The following PCDHAC2 variants were observed in gnomAD, a reference collection of about 807,000 sequenced individuals.
The protein encoded by PCDHAC2 is protocadherin alpha subfamily C, 2.
PCDHAC2 carries 24 observed loss-of-function variants against 63.3 expected under a neutral mutation model. The ratio of observed to expected loss-of-function variants is 0.38; its 90% CI spans 0.27 to 0.53. PCDHAC2 has a LOEUF of 0.53. Ranked by LOEUF, PCDHAC2 falls within the 20% of genes least tolerant of loss-of-function variation. PCDHAC2 has a pLI of 0.81. For synonymous variants in PCDHAC2, 569 were observed against 529.4 expected (o/e 1.07, Z -1.03); for missense variants, 1,181 against 1,275.2 (o/e 0.93, Z 1.12).
chr5:140,984,178 A>C (rs2097090747), intron 3 of PCDHAC2, among the ~76,000 whole-genome samples: 1 of 152,184 alleles, frequency 6.6e-6, no homozygotes, highest in South Asian at 2.1e-4. Context: ...AGCCACGTGA[A>C]ATCATGACTT....
At chr5:141,001,216 G>A (rs938133871) in intron 3 of PCDHAC2, among the ~76,000 whole-genome samples, 3 of 152,082 alleles carry the variant, frequency 2.0e-5, no homozygotes, top group African/African-American at 7.2e-5. Context: ...GCTGTATAAG[G>A]ATAGTTACAT....
intron 3 of PCDHAC2, among the ~76,000 whole-genome samples, chr5:140,990,384 T>A (rs2097391380): frequency 6.6e-6 from 1 of 152,186 alleles, no homozygotes; most frequent in Non-Finnish European, 1.5e-5. Context: ...TTGTTGGTGA[T>A]GTTCCAAGAA....
chr5:140,987,433 T>C (rs2097253895), intron 3 of PCDHAC2, among the ~76,000 whole-genome samples: 1 of 152,108 alleles, frequency 6.6e-6, no homozygotes. Flanking sequence ...CAGGGGGCCT[T>C]TCCCCATGCC....
intron 3 of PCDHAC2, among the ~76,000 whole-genome samples, chr5:140,999,495 A>G (rs868986339): frequency 6.6e-6 from 1 of 152,142 alleles, no homozygotes; most frequent in South Asian, 2.1e-4. Flanking sequence ...TATGTTACCC[A>G]AGAACCTACA....
At chr5:140,969,439 T>C (rs1554231802) in intron 1 of PCDHAC2, 108 bp downstream of exon 1, 2 of 1,546,634 alleles carry the variant, frequency 1.3e-6, no homozygotes, top group Admixed American at 3.9e-5. Context: ...AAGAGTTATC[T>C]GGTAAACTGA....
rs1588262423 is a variant in PCDHAC2 at position 141,011,885 on chromosome 5, T to C, written c.*1948T>C. 1 of 153,482 alleles carries C rather than the reference T, an allele frequency of 6.5e-6. No homozygotes were observed. The highest frequency in any genetic ancestry group is 1.9e-4 in the East Asian group (1 of 5,202). 9.5% of individuals were successfully genotyped at this position (153,482 alleles called of 1,614,324 possible). ...ATAATGTACAATTTAGAAGTTTGATTAATTATATTATCTATTTAGGCATTA... is the reference window on the plus strand; with the variant it reads ...ATAATGTACAATTTAGAAGTTTGATCAATTATATTATCTATTTAGGCATTA... On this transcript the variant is annotated 3_prime_UTR_variant, in exon 4 of 4. Transcript: ENST00000289269.
intron 3 of PCDHAC2, among the ~76,000 whole-genome samples, chr5:140,985,608 G>T (rs76669319): frequency 6.6e-6 from 1 of 152,052 alleles, no homozygotes; most frequent in Non-Finnish European, 1.5e-5. Context: ...AGCCCTTTCC[G>T]TGAACCAGCT....
chr5:140,989,696 T>G (rs1554251011), intron 3 of PCDHAC2, among the ~76,000 whole-genome samples: 1 of 152,216 alleles, frequency 6.6e-6, no homozygotes, highest in African/African-American at 2.4e-5. Flanking sequence ...CGTGAAAATT[T>G]TATCTTCAGA....
chr5:140,967,817 G>A lies in PCDHAC2; in HGVS notation c.1051G>A (p.Val351Met). Residue 351 changes from valine (V) to methionine (M), a missense_variant, in exon 1 of 4, where the codon GTG (valine) becomes ATG (methionine). Physicochemically the swap from Val to Met is conservative, Grantham distance 21. Coordinates refer to ENST00000289269, the MANE Select transcript of PCDHAC2 (RefSeq NM_018899.6). The part of the protein sequence containing the change: ...GPVPMAGHCK[V>M]LVDIVDVNDN... Reference sequence around the variant, plus strand: ...AGTGCCCATGGCAGGTCACTGCAAGGTGCTGGTGGACATCGTGGACGTGAA... The same window carrying A: ...AGTGCCCATGGCAGGTCACTGCAAGATGCTGGTGGACATCGTGGACGTGAA... 1 of 1,614,182 alleles carries A rather than the reference G, an allele frequency of 6.2e-7. No individual in the cohort carries two copies.
intron 3 of PCDHAC2, among the ~76,000 whole-genome samples, chr5:141,007,907 A>G (rs1402621923): frequency 6.6e-6 from 1 of 152,186 alleles, no homozygotes; most frequent in Non-Finnish European, 1.5e-5. Flanking sequence ...TTCTTTGTTG[A>G]AGATGCTATA....
chr5:140,967,800 TGGCA>T lies in PCDHAC2; in HGVS notation c.1037_1040del (p.Ala346ValfsTer12). On this transcript the variant is annotated frameshift_variant, in exon 1 of 4. Transcript: ENST00000289269. LOFTEE classifies it high-confidence loss of function. Reference sequence around the variant, plus strand: ...GCGACTGACCGGGGTCCAGTGCCCATGGCAGGTCACTGCAAGGTGCTGGTGGACA... The same window carrying T: ...GCGACTGACCGGGGTCCAGTGCCCATGGTCACTGCAAGGTGCTGGTGGACA... 6.2e-7 allele frequency: 1 copy of T among 1,614,174 alleles called. No individual in the cohort carries two copies. Among genetic ancestry groups the T allele is most frequent in the Non-Finnish European group, 8.5e-7 (1 of 1,180,018 alleles).
intron 3 of PCDHAC2, among the ~76,000 whole-genome samples, chr5:140,998,621 A>G (rs1167341355): frequency 5.3e-5 from 8 of 151,758 alleles, no homozygotes; most frequent in Admixed American, 3.9e-4. Context: ...CTGGAGTGCA[A>G]TGGCACAATC....
intron 3 of PCDHAC2, among the ~76,000 whole-genome samples, chr5:141,005,816 G>A (rs1295998009): frequency 1.3e-5 from 2 of 151,804 alleles, no homozygotes; most frequent in African/African-American, 4.8e-5. Context: ...AGCCAGGTAT[G>A]GTGGCCTGTA....
chr5:141,010,398 G>C lies in PCDHAC2; in HGVS notation c.*461G>C. The C allele has an allele frequency of 7.6e-7, 1 of 1,323,994 alleles. No individual in the cohort carries two copies. Among genetic ancestry groups the C allele is most frequent in the South Asian group, 1.5e-5 (1 of 66,476 alleles). 82.0% of individuals were successfully genotyped at this position (1,323,994 alleles called of 1,614,324 possible). A position where few individuals can be genotyped will look rare whatever the true frequency, so the allele number is the denominator to read the frequency against. ...GCCAGATATTGGCTGAGACGAGCCA[G>C]CTTAGACTAATTGGTACAAGGAAGG... On this transcript the variant is annotated 3_prime_UTR_variant, in exon 4 of 4. Transcript: ENST00000289269.
chr5:140,984,641 C>T (rs2153834832), intron 3 of PCDHAC2, among the ~76,000 whole-genome samples: 1 of 152,276 alleles, frequency 6.6e-6, no homozygotes, highest in South Asian at 2.1e-4. Context: ...TCTCTGCCTT[C>T]TCCCTGTCCT....
rs1262601662 is a variant in PCDHAC2, at chr5:141,011,550, A to C, written c.*1613A>C. On this transcript the variant is annotated 3_prime_UTR_variant, in exon 4 of 4. Coordinates refer to ENST00000289269, the MANE Select transcript of PCDHAC2 (RefSeq NM_018899.6). ...CATTGTTAATCAGCTTTTGTGTATG[A>C]AAGACACAGTAAAATTTCTTTCTTA... 6 of 153,770 alleles carry C rather than the reference A, an allele frequency of 3.9e-5. No homozygotes were observed. The highest frequency in any genetic ancestry group is 1.4e-4 in the African/African-American group (6 of 41,462). The allele number at this position is 153,770 out of a possible 1,614,324, so 9.5% of individuals were successfully genotyped here. A position where few individuals can be genotyped will look rare whatever the true frequency, so the allele number is the denominator to read the frequency against.
At chr5:140,977,023 G>T (rs1554238168) in intron 1 of PCDHAC2, among the ~76,000 whole-genome samples, 1 of 152,148 alleles carries the variant, frequency 6.6e-6, no homozygotes, top group Non-Finnish European at 1.5e-5. Flanking sequence ...TCTGTCAAAT[G>T]AATCTAAGAA....
intron 3 of PCDHAC2, among the ~76,000 whole-genome samples, chr5:140,992,995 A>C (rs1347087034): frequency 2.0e-5 from 3 of 152,202 alleles, no homozygotes; most frequent in African/African-American, 7.2e-5. Context: ...GACCCATGAA[A>C]GAGCCTCCCC....
At chr5:140,994,474 G>A (rs545568699) in intron 3 of PCDHAC2, among the ~76,000 whole-genome samples, 27 of 152,078 alleles carry the variant, frequency 1.8e-4, no homozygotes, top group Non-Finnish European at 2.9e-4. Flanking sequence ...AGGCTGAGGC[G>A]GGTGGATTGC....
Sources: allele counts gnomAD v4.1 joint callset (sites outside exome capture counted in the v4.1 genomes callset), GRCh38; gene constraint gnomAD v4.1.1; transcripts MANE v1.5; gene names NCBI Gene and HGNC (gene_info 2026-07-23, HGNC 2026-07-21).